Variants in SNX25 observed in about 807,000 individuals in gnomAD.
SNX25 encodes sorting nexin-25.
A neutral mutation model predicts 113.7 loss-of-function variants in SNX25; 62 were observed. The ratio of observed to expected loss-of-function variants is 0.55; its 90% CI spans 0.44 to 0.67. SNX25 has a LOEUF of 0.67. Ranked by LOEUF, SNX25 falls within the 30% of genes least tolerant of loss-of-function variation. The pLI, the probability that SNX25 is intolerant of heterozygous loss-of-function variation, is 0.00. For synonymous variants in SNX25, 421 were observed against 436.2 expected (o/e 0.97, Z 0.43); for missense variants, 1,014 against 1,161.0 (o/e 0.87, Z 1.84).
chr4:185,370,803 T>C, downstream of SNX25: 2 of 1,614,124 alleles, frequency 1.2e-6, no homozygotes, highest in Non-Finnish European at 8.5e-7. Context: ...AACCTCATCA[T>C]AGTCAGCGAT....
rs968459201 is a variant in SNX25, at chr4:185,234,381, G to A, written c.430-12913G>A. 4.0e-5 allele frequency among the ~76,000 whole-genome samples: 6 copies of A among 148,208 alleles called. 1 individual carries two copies. The highest frequency in any genetic ancestry group is 1.4e-4 in the Admixed American group (2 of 14,438). On this transcript the variant is annotated intron_variant, in intron 1 of 18. Transcript: ENST00000652585. ...ATCATTTTTCGGAAAGGAAATTAACGTTGTTAAAAAGTTTAGGCTGGCCGG... is the reference window on the plus strand; with the variant it reads ...ATCATTTTTCGGAAAGGAAATTAACATTGTTAAAAAGTTTAGGCTGGCCGG...
intron 1 of SNX25, among the ~76,000 whole-genome samples, chr4:185,229,802 A>G (rs901592905): frequency 4.6e-5 from 7 of 152,152 alleles, no homozygotes; most frequent in African/African-American, 1.4e-4. Flanking sequence ...TTCCAGGAAA[A>G]TAAATGATTT....
At chr4:185,287,159 A>G (rs532018274) in intron 5 of SNX25, among the ~76,000 whole-genome samples, 19 of 152,372 alleles carry the variant, frequency 1.2e-4, no homozygotes, top group Non-Finnish European at 2.1e-4. Context: ...GTAAAGCCCA[A>G]TTGAATTTAT....
downstream of SNX25, chr4:185,365,899 G>T (rs1195269657): frequency 6.6e-6 from 1 of 152,070 alleles, no homozygotes; most frequent in Non-Finnish European, 1.5e-5. Flanking sequence ...ACAAAATGAA[G>T]TTCAGGCAAT....
At chr4:185,289,917 A>G (rs1403754917) in intron 6 of SNX25, among the ~76,000 whole-genome samples, 2 of 152,168 alleles carry the variant, frequency 1.3e-5, no homozygotes, top group African/African-American at 4.8e-5. Flanking sequence ...ATTTTCTCAC[A>G]GTTCTGGAGG....
intron 6 of SNX25, among the ~76,000 whole-genome samples, chr4:185,296,287 C>T (rs866758218): frequency 6.6e-6 from 1 of 152,110 alleles, no homozygotes; most frequent in Non-Finnish European, 1.5e-5. Context: ...AGCAGCTAAC[C>T]GTATTGCCTT....
At chr4:185,208,381 C>A (rs117894263), upstream of SNX25, among the ~76,000 whole-genome samples, 13 of 152,214 alleles carry the variant, frequency 8.5e-5, no homozygotes, top group East Asian at 1.5e-3. Flanking sequence ...CTTGGCATGG[C>A]AAAGTCACAT....
intron 9 of SNX25, among the ~76,000 whole-genome samples, chr4:185,331,310 A>G (rs1561021796): frequency 6.6e-6 from 1 of 152,216 alleles, no homozygotes; most frequent in Non-Finnish European, 1.5e-5. Flanking sequence ...TCTCAATGCC[A>G]TTGTTATTCT....
intron 5 of SNX25, among the ~76,000 whole-genome samples, chr4:185,283,354 T>C (rs557537492): frequency 6.6e-6 from 1 of 152,286 alleles, no homozygotes; most frequent in South Asian, 2.1e-4. Context: ...TAATAAGAGT[T>C]AACAGGATTT....
At chr4:185,306,204 G>C (rs1175617436) in intron 6 of SNX25, among the ~76,000 whole-genome samples, 1 of 152,228 alleles carries the variant, frequency 6.6e-6, no homozygotes, top group Non-Finnish European at 1.5e-5. Flanking sequence ...GATTTACAAG[G>C]ATTTTTGCAT....
At chr4:185,375,688 G>C in the SNX25 span, 4 of 1,611,444 alleles carry the variant, frequency 2.5e-6, no homozygotes, top group Admixed American at 1.7e-5. Context: ...CTTTCTCCTT[G>C]ATTTCTTCAA....
At chr4:185,336,292 C>T (rs569688333) in intron 10 of SNX25, among the ~76,000 whole-genome samples, 14 of 152,196 alleles carry the variant, frequency 9.2e-5, no homozygotes, top group African/African-American at 3.1e-4. Context: ...GTACATTGTA[C>T]CCAGTGTGTA....
At chr4:185,367,145 T>C (rs774070671), downstream of SNX25, 3 of 1,549,590 alleles carry the variant, frequency 1.9e-6, no homozygotes, top group African/African-American at 4.1e-5. Flanking sequence ...TGTGAGGTGT[T>C]AGCATTGATG....
At position 185,296,725 on chromosome 4, in the gene SNX25, G is replaced by A. The variant is rs916710117; in HGVS notation, c.1162+8643G>A. Among the ~76,000 whole-genome samples the A allele has an allele frequency of 7.9e-5, 12 of 152,262 alleles. No homozygotes were observed. In the East Asian group the frequency reaches 2.3e-3, roughly 29 times the overall value. On this transcript the variant is annotated intron_variant, in intron 6 of 18. Coordinates refer to ENST00000652585, the MANE Select transcript of SNX25 (RefSeq NM_001378034.2). ...TATAATTAGAGGGAAAGCTTTTACA[G>A]AAAACTTAACAAGTACGAAACAGTT...
At chr4:185,241,209 A>G (rs1313154564) in intron 1 of SNX25, among the ~76,000 whole-genome samples, 2 of 151,770 alleles carry the variant, frequency 1.3e-5, no homozygotes, top group Non-Finnish European at 2.9e-5. Context: ...AGTGAACGCG[A>G]CTCCGTCTGC....
intron 15 of SNX25, among the ~76,000 whole-genome samples, chr4:185,356,105 T>A (rs927693704): frequency 1.3e-5 from 2 of 152,190 alleles, no homozygotes; most frequent in Non-Finnish European, 2.9e-5. Context: ...CAGCTGCCTC[T>A]GTGGCTTTGA....
At chr4:185,330,877 T>A (rs920841882) in intron 9 of SNX25, among the ~76,000 whole-genome samples, 1 of 152,240 alleles carries the variant, frequency 6.6e-6, no homozygotes, top group African/African-American at 2.4e-5. Flanking sequence ...CATTTTATTT[T>A]TGATAGGTCA....
chr4:185,276,641 G>T (rs993126970), intron 5 of SNX25, among the ~76,000 whole-genome samples: 1 of 152,276 alleles, frequency 6.6e-6, no homozygotes, highest in East Asian at 1.9e-4. Flanking sequence ...TTGAGCAACA[G>T]CCTGGGCAAC....
At chr4:185,367,084 AT>A, downstream of SNX25, 1 of 1,055,812 alleles carries the variant, frequency 9.5e-7, no homozygotes, top group Non-Finnish European at 1.4e-6. Context: ...GGATAGTGTA[AT>A]TTGTGATGTG....
Sources: allele counts gnomAD v4.1 joint callset (sites outside exome capture counted in the v4.1 genomes callset), GRCh38; gene constraint gnomAD v4.1.1; transcripts MANE v1.5; gene names NCBI Gene and HGNC (gene_info 2026-07-23, HGNC 2026-07-21).